The following SGCD variants were observed in gnomAD, a reference collection of about 807,000 sequenced individuals.
SGCD encodes delta-sarcoglycan.
Under a neutral mutation model 36.6 loss-of-function variants are expected in SGCD, and 18 were observed. That is an observed-to-expected ratio of 0.49 (90% CI 0.34 to 0.73). The LOEUF is 0.73. Ranked by LOEUF, SGCD falls within the 30% of genes least tolerant of loss-of-function variation. SGCD has a pLI of 0.01. For synonymous variants in SGCD, 133 were observed against 130.6 expected (o/e 1.02, Z -0.12); for missense variants, 387 against 346.7 (o/e 1.12, Z -0.92).
chr5:156,157,161 A>G (rs1762982114), intron 3 of SGCD, among the ~76,000 whole-genome samples: 1 of 151,672 alleles, frequency 6.6e-6, no homozygotes, highest in Non-Finnish European at 1.5e-5. Flanking sequence ...TCTGGCCATG[A>G]ACAAATAGCT....
chr5:155,929,061 CT>C (rs1757050196), intron 1 of SGCD, among the ~76,000 whole-genome samples: 1 of 152,086 alleles, frequency 6.6e-6, no homozygotes, highest in Non-Finnish European at 1.5e-5. Flanking sequence ...ACGGTAAAAT[CT>C]TTTCCTTTTC....
intron 1 of SGCD, among the ~76,000 whole-genome samples, chr5:155,926,728 T>C (rs1757003363): frequency 6.6e-6 from 1 of 152,178 alleles, no homozygotes; most frequent in Admixed American, 6.5e-5. Flanking sequence ...AATTGAGGTA[T>C]ATACACATCT....
chr5:156,282,319 G>C (rs919938178), intron 3 of SGCD, among the ~76,000 whole-genome samples: 1 of 152,082 alleles, frequency 6.6e-6, no homozygotes, highest in Non-Finnish European at 1.5e-5. Flanking sequence ...CTGATGCAAC[G>C]CAAAACAGAG....
At chr5:156,105,862 C>T (rs1438848248) in intron 1 of SGCD, among the ~76,000 whole-genome samples, 1 of 151,772 alleles carries the variant, frequency 6.6e-6, no homozygotes, top group African/African-American at 2.4e-5. Flanking sequence ...CCTGTAATCC[C>T]AGCACTTTGG....
At chr5:156,116,420 AT>A (rs1464059189) in intron 1 of SGCD, among the ~76,000 whole-genome samples, 1 of 151,930 alleles carries the variant, frequency 6.6e-6, no homozygotes, top group Non-Finnish European at 1.5e-5. Flanking sequence ...CCCCATGCCT[AT>A]TTTTCTAGAC....
chr5:156,488,806 A>G (rs1417506373), intron 3 of SGCD, among the ~76,000 whole-genome samples: 1 of 152,190 alleles, frequency 6.6e-6, no homozygotes, highest in African/African-American at 2.4e-5. Flanking sequence ...AAAAATAATA[A>G]GAGGGGAATA....
At chr5:155,915,813 T>A (rs574634282) in intron 1 of SGCD, among the ~76,000 whole-genome samples, 1 of 152,306 alleles carries the variant, frequency 6.6e-6, no homozygotes, top group Non-Finnish European at 1.5e-5. Flanking sequence ...ACATTTCATA[T>A]GTGTGACATT....
At chr5:156,505,259 G>A (rs1350484379) in intron 3 of SGCD, among the ~76,000 whole-genome samples, 1 of 152,172 alleles carries the variant, frequency 6.6e-6, no homozygotes, top group East Asian at 1.9e-4. Flanking sequence ...GGGTTTGATT[G>A]CCCAGTTGGG....
At chr5:156,311,752 A>G (rs955750999) in intron 3 of SGCD, among the ~76,000 whole-genome samples, 2 of 152,100 alleles carry the variant, frequency 1.3e-5, no homozygotes, top group Non-Finnish European at 2.9e-5. Flanking sequence ...TTTCTTTCAT[A>G]AAAAGTTTGG....
Position 156,707,447 on chromosome 5 carries a change from C to T in SGCD, c.576-50134C>T, listed in dbSNP as rs1754792242. Among the ~76,000 whole-genome samples the T allele has an allele frequency of 2.6e-5, 4 of 152,176 alleles. No homozygotes were observed. The South Asian group carries it at 8.3e-4, about 32-fold the overall frequency. On this transcript the variant is annotated intron_variant, in intron 7 of 8. Transcript: ENST00000337851. ...GCACTATCAGATCTTACTACCAGAC[C>T]CAGTCTTTTCTCTTTTAATAAGGGA...
chr5:156,069,992 G>C (rs1456789585), intron 1 of SGCD, among the ~76,000 whole-genome samples: 3 of 151,974 alleles, frequency 2.0e-5, no homozygotes, highest in Non-Finnish European at 2.9e-5. Flanking sequence ...TATCCTGAGA[G>C]TTTACCAAAG....
intron 3 of SGCD, among the ~76,000 whole-genome samples, chr5:156,270,785 A>C (rs149741327): frequency 6.6e-6 from 1 of 150,382 alleles, no homozygotes; most frequent in Non-Finnish European, 1.5e-5. Context: ...TGTCTGCTGG[A>C]TAGGGCTGTG....
intron 3 of SGCD, among the ~76,000 whole-genome samples, chr5:156,209,622 A>G (rs560951852): frequency 6.6e-6 from 1 of 152,348 alleles, no homozygotes; most frequent in African/African-American, 2.4e-5. Context: ...CCAGGTTTCA[A>G]GATCACTCCT....
intron 3 of SGCD, among the ~76,000 whole-genome samples, chr5:156,352,585 T>C (rs916522294): frequency 1.3e-5 from 2 of 152,246 alleles, no homozygotes; most frequent in South Asian, 2.1e-4. Context: ...CTGTAGTATA[T>C]AGATCTCCTG....
intron 6 of SGCD, among the ~76,000 whole-genome samples, chr5:156,633,368 C>T (rs983761419): frequency 2.0e-5 from 3 of 152,138 alleles, no homozygotes; most frequent in South Asian, 4.1e-4. Context: ...ATGTGCATAA[C>T]CGAACTTTAT....
intron 3 of SGCD, among the ~76,000 whole-genome samples, chr5:156,300,313 T>C (rs1276727168): frequency 1.3e-5 from 2 of 152,082 alleles, no homozygotes; most frequent in Admixed American, 6.6e-5. Context: ...TTTTGGTATA[T>C]TGTTTTTTCA....
At chr5:156,472,637 C>G (rs545481868) in intron 3 of SGCD, among the ~76,000 whole-genome samples, 4 of 152,108 alleles carry the variant, frequency 2.6e-5, no homozygotes, top group Non-Finnish European at 5.9e-5. Context: ...AGGCTGGTCT[C>G]GAACTCCTGA....
At chr5:156,389,240 T>C (rs1319645476) in intron 3 of SGCD, among the ~76,000 whole-genome samples, 1 of 152,204 alleles carries the variant, frequency 6.6e-6, no homozygotes, top group African/African-American at 2.4e-5. Flanking sequence ...TATATCCCTA[T>C]TTGAAATTGT....
chr5:156,369,250 G>T (rs1770264206), intron 3 of SGCD, among the ~76,000 whole-genome samples: 1 of 152,124 alleles, frequency 6.6e-6, no homozygotes, highest in East Asian at 1.9e-4. Flanking sequence ...AAGGACTTTT[G>T]TTTGCAGTGT....
Sources: gnomAD v4.1 joint callset for allele counts (sites outside exome capture counted in the v4.1 genomes callset) on GRCh38, gnomAD v4.1.1 for gene constraint, MANE v1.5 for transcripts, NCBI Gene and HGNC (gene_info 2026-07-23, HGNC 2026-07-21) for gene names.